The following SLC25A48 variants were observed in gnomAD, a reference collection of about 807,000 sequenced individuals.
SLC25A48 encodes CTC-321K16.1.
A neutral mutation model predicts 32.2 loss-of-function variants in SLC25A48; 29 were observed. The observed-to-expected ratio is 0.90, with a 90% CI of 0.67 to 1.23. The LOEUF is 1.23. Among genes scored for constraint, SLC25A48 ranks in the 50% most tolerant of loss-of-function variants. SLC25A48 has a pLI of 0.00. For missense variants in SLC25A48, 399 were observed against 422.7 expected, an observed-to-expected ratio of 0.94 and a Z score of 0.49; for synonymous variants, 164 against 172.3, an observed-to-expected ratio of 0.95 and a Z score of 0.38.
At position 135,619,706 on chromosome 5, in the gene SLC25A48, T is replaced by A. The variant is rs1452794247; in HGVS notation, c.-848-9531T>A. On this transcript the variant is annotated intron_variant, in intron 1 of 10. Coordinates refer to the SLC25A48 transcript ENST00000646290. The stretch of plus-strand genomic sequence containing the variant: ...TGTTCATTGGGTAGCGTACTTTGGC[T>A]TTGATTCTGGGTGTGTTCAATACTG... Among the ~76,000 whole-genome samples, 5 of 152,192 alleles carry A rather than the reference T, an allele frequency of 3.3e-5. No individual in the cohort carries two copies. The East Asian group carries it at 9.6e-4, about 29-fold the overall frequency.
chr5:135,847,371 G>A (rs755730892), intron 2 of SLC25A48, among the ~76,000 whole-genome samples: 1 of 152,164 alleles, frequency 6.6e-6, no homozygotes, highest in Non-Finnish European at 1.5e-5. Context: ...GGAGTGAAAG[G>A]CCTTGGGGAT....
intron 1 of SLC25A48, among the ~76,000 whole-genome samples, chr5:135,608,295 G>A (rs1008406602): frequency 6.6e-6 from 1 of 152,206 alleles, no homozygotes; most frequent in Non-Finnish European, 1.5e-5. Flanking sequence ...CATGAACTAA[G>A]CAGAAGACTA....
intron 3 of SLC25A48, among the ~76,000 whole-genome samples, chr5:135,787,666 G>A (rs1307137464): frequency 6.6e-6 from 1 of 151,824 alleles, no homozygotes; most frequent in East Asian, 1.9e-4. Context: ...TCCTAGGGGG[G>A]ATGTTACTCC....
At chr5:135,800,221 C>A (rs561778188) in intron 3 of SLC25A48, among the ~76,000 whole-genome samples, 1 of 151,770 alleles carries the variant, frequency 6.6e-6, no homozygotes, top group African/African-American at 2.4e-5. Context: ...GGAGAGTACA[C>A]CCCGCCCAGT....
At chr5:135,580,115 T>C (rs1449704830) in intron 1 of SLC25A48, among the ~76,000 whole-genome samples, 1 of 152,240 alleles carries the variant, frequency 6.6e-6, no homozygotes, top group African/African-American at 2.4e-5. Flanking sequence ...TCCAAGTTGG[T>C]ACTTTTAATT....
intron 2 of SLC25A48, among the ~76,000 whole-genome samples, chr5:135,848,324 G>C (rs1759576804): frequency 6.6e-6 from 1 of 152,184 alleles, no homozygotes; most frequent in African/African-American, 2.4e-5. Flanking sequence ...CCCTGGGAGA[G>C]TGTTGGACCT....
At chr5:135,666,657 C>CAGAGAGAGAGAGAG (rs70976575) in intron 3 of SLC25A48, among the ~76,000 whole-genome samples, 3 of 149,966 alleles carry the variant, frequency 2.0e-5, no homozygotes, top group Non-Finnish European at 4.4e-5. Flanking sequence ...TTCAGGGCAT[C>CAGAGAGAGAGAGAG]AGAGAGAGAG....
chr5:135,886,638 A>ATATATAT (rs1169881576), intron 7 of SLC25A48, among the ~76,000 whole-genome samples: 1 of 29,040 alleles, frequency 3.4e-5, no homozygotes, highest in Non-Finnish European at 6.1e-5. Context: ...TATATATATA[A>ATATATAT]AATATATATA....
chr5:135,703,160 G>C (rs952921961), intron 3 of SLC25A48, among the ~76,000 whole-genome samples: 1 of 152,216 alleles, frequency 6.6e-6, no homozygotes, highest in Admixed American at 6.5e-5. Context: ...GCACAGGCTT[G>C]TGTTGTTTTG....
intron 3 of SLC25A48, among the ~76,000 whole-genome samples, chr5:135,752,094 G>A (rs1181021358): frequency 6.6e-6 from 1 of 152,102 alleles, no homozygotes; most frequent in Non-Finnish European, 1.5e-5. Flanking sequence ...AAAAATAGGA[G>A]AAAATCTTTG....
In SLC25A48 at chr5:135,887,205, A is replaced by G. The variant is rs139280362; in HGVS notation, c.*8-827A>G. On this transcript the variant is annotated intron_variant, in intron 7 of 7. Coordinates refer to ENST00000681962, the MANE Select transcript of SLC25A48 (RefSeq NM_001349336.2). ...TCTTTCTAAACCAATATAATTAACGAGAAGACTTGCGTTTTCCGTTTTTGC... is the reference window on the plus strand; with the variant it reads ...TCTTTCTAAACCAATATAATTAACGGGAAGACTTGCGTTTTCCGTTTTTGC... Among the ~76,000 whole-genome samples the G allele has an allele frequency of 3.0e-3, 461 of 152,294 alleles. 5 individuals carry two copies. The highest frequency in any genetic ancestry group is 0.024 in the South Asian group (115 of 4,828).
At chr5:135,615,142 G>C (rs1192448851) in intron 1 of SLC25A48, among the ~76,000 whole-genome samples, 1 of 152,184 alleles carries the variant, frequency 6.6e-6, no homozygotes, top group African/African-American at 2.4e-5. Flanking sequence ...AATTGGTACT[G>C]AGAAATAGGG....
At chr5:135,643,514 A>G (rs1418136875) in intron 3 of SLC25A48, among the ~76,000 whole-genome samples, 1 of 152,204 alleles carries the variant, frequency 6.6e-6, no homozygotes, top group Non-Finnish European at 1.5e-5. Flanking sequence ...CCTGTCTCTC[A>G]TGGGCCTTGC....
intron 3 of SLC25A48, chr5:135,746,267 T>TAGCCCCCACTCC (rs1265924146): frequency 3.0e-5 from 5 of 166,118 alleles, no homozygotes; most frequent in African/African-American, 1.2e-4. Flanking sequence ...GGGTCTGGGG[T>TAGCCCCCACTCC]AGCCCCCACT....
At chr5:135,745,925 T>C (rs1755627737) in intron 3 of SLC25A48, among the ~76,000 whole-genome samples, 1 of 152,212 alleles carries the variant, frequency 6.6e-6, no homozygotes, top group Non-Finnish European at 1.5e-5. Context: ...ATTTTCTCTG[T>C]GGTCAGTTAT....
At chr5:135,723,380 TCACACACACACA>T (rs138387748) in intron 3 of SLC25A48, among the ~76,000 whole-genome samples, 3 of 111,764 alleles carry the variant, frequency 2.7e-5, no homozygotes, top group South Asian at 3.0e-4. Context: ...TCTCTCTCTC[TCACACACACACA>T]CACACACACA....
chr5:135,718,392 C>A (rs1015840381), intron 3 of SLC25A48, among the ~76,000 whole-genome samples: 4 of 152,164 alleles, frequency 2.6e-5, no homozygotes, highest in African/African-American at 9.7e-5. Context: ...TGACATAGCT[C>A]ATCTCAAACC....
At position 135,774,746 on chromosome 5, in the gene SLC25A48, A is replaced by AC. The variant is rs35193298; in HGVS notation, c.-520-37769dup. 5.2e-3 allele frequency among the ~76,000 whole-genome samples: 789 copies of AC among 150,490 alleles called. 3 individuals are homozygous for AC. Among genetic ancestry groups the AC allele is most frequent in the African/African-American group, 0.017 (718 of 41,064 alleles). ...ACTCCCAATACCACAGGGAGTGTAC[A>AC]CCCCCCCCGTGATATTGATCATAAT... On this transcript the variant is annotated intron_variant, in intron 3 of 10. Coordinates refer to the SLC25A48 transcript ENST00000646290.
chr5:135,834,137 T>A (rs1022825682), upstream of SLC25A48, among the ~76,000 whole-genome samples: 1 of 152,236 alleles, frequency 6.6e-6, no homozygotes, highest in Non-Finnish European at 1.5e-5. Context: ...CCTGGCTGAA[T>A]GTAGGGTCTG....
Sources: gnomAD v4.1 joint callset for allele counts (sites outside exome capture counted in the v4.1 genomes callset) on GRCh38, gnomAD v4.1.1 for gene constraint, MANE v1.5 for transcripts, NCBI Gene and HGNC (gene_info 2026-07-23, HGNC 2026-07-21) for gene names.